Variants in IQSEC2 observed in about 807,000 individuals in gnomAD.
The protein encoded by IQSEC2 is IQ motif and Sec7 domain ArfGEF 2, also known as IQ motif and SEC7 domain-containing protein 2.
A neutral mutation model predicts 74.6 loss-of-function variants in IQSEC2; 6 were observed. The ratio of observed to expected loss-of-function variants is 0.08; its 90% confidence interval spans 0.04 to 0.16. The LOEUF (loss-of-function observed/expected upper bound fraction) is 0.16. Among genes scored for constraint, IQSEC2 ranks in the 10% least tolerant of loss-of-function variants. The pLI is 1.00. For synonymous variants in IQSEC2, 494 were observed against 544.5 expected (o/e 0.91, Z 1.29); for missense variants, 734 against 1,306.2 (o/e 0.56, Z 6.75).
In IQSEC2 at chrX:53,250,145, T is replaced by A. The variant is rs968194951; in HGVS notation, c.2297+134A>T. On this transcript the variant is annotated intron_variant, in intron 5 of 14. Coordinates refer to ENST00000642864, the MANE Select transcript of IQSEC2 (RefSeq NM_001111125.3). ...TGTTGCCAATCCTCTTCCCTGAATG[T>A]CTGGGGAGAAATACCATTCCACAAA... 8 of 762,054 alleles carry A rather than the reference T, an allele frequency of 1.0e-5. No individual in the cohort carries two copies. In the African/African-American group the frequency reaches 1.7e-4, roughly 16 times the overall value. The allele number at this position is 762,054 out of a possible 1,213,427, so 62.8% of individuals were successfully genotyped here. A position where few individuals can be genotyped will look rare whatever the true frequency, so the allele number is the denominator to read the frequency against.
chrX:53,255,205 A>G (rs1393026965), intron 3 of IQSEC2, among the ~76,000 whole-genome samples: 1 of 111,309 alleles, frequency 9.0e-6, no homozygotes, highest in African/African-American at 3.3e-5. Context: ...AAAAGAAAGC[A>G]AGGTAGAAAT....
intron 11 of IQSEC2, 48 bp from the exon 12 acceptor site, chrX:53,238,354 G>A: frequency 7.1e-6 from 8 of 1,126,356 alleles, no homozygotes; most frequent in Non-Finnish European, 8.5e-6. Context: ...CTGGTGCAAG[G>A]TGGCTCATAC....
At chrX:53,298,104 CG>C (rs1191739465) in intron 1 of IQSEC2, among the ~76,000 whole-genome samples, 1 of 110,700 alleles carries the variant, frequency 9.0e-6, no homozygotes, top group Admixed American at 9.5e-5. Context: ...CACTCCAGAC[CG>C]GGCGACACAG....
chrX:53,306,900 G>A (rs868959351), intron 1 of IQSEC2, among the ~76,000 whole-genome samples: 1 of 111,156 alleles, frequency 9.0e-6, no homozygotes, highest in Non-Finnish European at 1.9e-5. Context: ...AGAGACTCCA[G>A]ACTTGGAGAT....
At chrX:53,250,054 A>C (rs2074361459) in intron 5 of IQSEC2, among the ~76,000 whole-genome samples, 2 of 111,673 alleles carry the variant, frequency 1.8e-5, no homozygotes, top group African/African-American at 6.5e-5. Flanking sequence ...AAGATCAGAC[A>C]GCCAGCCAGG....
chrX:53,262,369 T>C (rs1339100278), intron 2 of IQSEC2, among the ~76,000 whole-genome samples: 1 of 111,958 alleles, frequency 8.9e-6, no homozygotes, highest in East Asian at 2.8e-4. Context: ...AGGATGCAGT[T>C]GTCATGGAAA....
intron 1 of IQSEC2, among the ~76,000 whole-genome samples, chrX:53,314,689 A>G: frequency 8.9e-6 from 1 of 111,933 alleles, no homozygotes; most frequent in Non-Finnish European, 1.9e-5. Context: ...CGAGAGGAAA[A>G]AGGCAAACTG....
At chrX:53,257,333 G>C (rs1273410713) in intron 2 of IQSEC2, among the ~76,000 whole-genome samples, 2 of 112,856 alleles carry the variant, frequency 1.8e-5, no homozygotes, top group Admixed American at 9.3e-5. Context: ...CTGGGGGCTG[G>C]ATGTGGTGTG....
intron 1 of IQSEC2, among the ~76,000 whole-genome samples, chrX:53,310,725 G>A (rs924281866): frequency 9.0e-6 from 1 of 111,367 alleles, no homozygotes; most frequent in African/African-American, 3.3e-5. Context: ...GCCAGAAACT[G>A]CCTCTGAGCT....
rs781827147 is a variant in IQSEC2, at chrX:53,316,407, C to T, written c.707+4010G>A. On this transcript the variant is annotated intron_variant, in intron 1 of 14. Transcript: ENST00000642864. ...CCCAAGACCCCAAAGGAGAGACTTC[C>T]CTGAGCCTCTCCCTGGGCTCACTGT... Among the ~76,000 whole-genome samples the T allele has an allele frequency of 6.3e-5, 7 of 111,454 alleles. No homozygotes were observed. The East Asian group carries it at 2.0e-3, about 31-fold the overall frequency.
At chrX:53,239,072 G>T in intron 11 of IQSEC2, 123 bp downstream of exon 11, 1 of 544,194 alleles carries the variant, frequency 1.8e-6, no homozygotes, top group African/African-American at 2.2e-5. Flanking sequence ...GACCAAGTAG[G>T]TGCTTTGGAG....
intron 1 of IQSEC2, among the ~76,000 whole-genome samples, chrX:53,304,034 G>A (rs1417474311): frequency 9.1e-6 from 1 of 109,611 alleles, no homozygotes; most frequent in Non-Finnish European, 1.9e-5. Flanking sequence ...TACTTGGGAG[G>A]CTAAGGCAGA....
At chrX:53,313,952 G>A (rs1156841371) in intron 1 of IQSEC2, among the ~76,000 whole-genome samples, 3 of 112,361 alleles carry the variant, frequency 2.7e-5, no homozygotes, top group South Asian at 7.3e-4. Flanking sequence ...GGCCAAAATG[G>A]CTCCAGGGAG....
chrX:53,258,871 AACC>A (rs1556865846), intron 2 of IQSEC2, among the ~76,000 whole-genome samples: 375 of 18,076 alleles, frequency 0.021, 3 homozygotes, highest in Middle Eastern at 0.077. Flanking sequence ...AAACAAACAA[AACC>A]CACCACCACC....
downstream of IQSEC2, among the ~76,000 whole-genome samples, chrX:53,228,333 A>G (rs144479945): frequency 2.7e-3 from 299 of 111,839 alleles, no homozygotes; most frequent in African/African-American, 8.9e-3. Context: ...AGAGTCTCAG[A>G]TGGTGCTCCC....
At chrX:53,275,659 T>C (rs1295151635) in intron 2 of IQSEC2, among the ~76,000 whole-genome samples, 1 of 110,836 alleles carries the variant, frequency 9.0e-6, no homozygotes, top group Non-Finnish European at 1.9e-5. Flanking sequence ...ATTTCTGTGA[T>C]AGAACATTTG....
At chrX:53,290,474 G>T (rs782757199) in intron 2 of IQSEC2, among the ~76,000 whole-genome samples, 1 of 111,951 alleles carries the variant, frequency 8.9e-6, no homozygotes, top group East Asian at 2.8e-4. Context: ...CAGGAGCCCC[G>T]TGCTCGGGTG....
chrX:53,263,635 C>G (rs2074604097), intron 2 of IQSEC2, among the ~76,000 whole-genome samples: 1 of 111,681 alleles, frequency 9.0e-6, no homozygotes, highest in Non-Finnish European at 1.9e-5. Flanking sequence ...CCCCTTCACC[C>G]CCCGACTTGC....
chrX:53,268,091 G>A (rs1556868047), intron 2 of IQSEC2, among the ~76,000 whole-genome samples: 1 of 111,630 alleles, frequency 9.0e-6, no homozygotes, highest in Non-Finnish European at 1.9e-5. Flanking sequence ...GTTTCATATG[G>A]TGGATGGACA....
Sources: gnomAD v4.1 joint callset for allele counts (sites outside exome capture counted in the v4.1 genomes callset) on GRCh38, gnomAD v4.1.1 for gene constraint, MANE v1.5 for transcripts, NCBI Gene and HGNC (gene_info 2026-07-23, HGNC 2026-07-21) for gene names.